Variants in UNC13C observed in about 807,000 individuals in gnomAD.
UNC13C encodes the protein protein unc-13 homolog C.
A neutral mutation model predicts 245.4 loss-of-function variants in UNC13C; 174 were observed. The ratio of observed to expected loss-of-function variants is 0.71; its 90% CI spans 0.63 to 0.80. UNC13C has a LOEUF of 0.80. Among genes scored for constraint, UNC13C ranks in the 30% least tolerant of loss-of-function variants. The pLI is 0.00. For synonymous variants in UNC13C, 992 were observed against 895.1 expected, an observed-to-expected ratio of 1.11 and a Z score of -1.93; for missense variants, 2,829 against 2,602.9, an observed-to-expected ratio of 1.09 and a Z score of -1.89.
At chr15:54,250,028 T>C (rs909686165) in intron 7 of UNC13C, among the ~76,000 whole-genome samples, 197 bp from the exon 8 acceptor site, 1 of 152,160 alleles carries the variant, frequency 6.6e-6, no homozygotes, top group Non-Finnish European at 1.5e-5. Context: ...GATAACTGAA[T>C]AGGGCCCTAA....
chr15:54,191,899 TA>T (rs1333550223), intron 4 of UNC13C, among the ~76,000 whole-genome samples: 1 of 152,176 alleles, frequency 6.6e-6, no homozygotes, highest in Non-Finnish European at 1.5e-5. Flanking sequence ...TTGTTGGGGT[TA>T]TTTTTTTCTT....
chr15:54,588,586 T>G (rs1433444900), intron 30 of UNC13C, among the ~76,000 whole-genome samples: 1 of 152,158 alleles, frequency 6.6e-6, no homozygotes, highest in South Asian at 2.1e-4. Context: ...GAGTGTATAC[T>G]CACCCAAGGA....
At chr15:54,502,493 C>G (rs75069935) in intron 22 of UNC13C, among the ~76,000 whole-genome samples, 6 of 152,078 alleles carry the variant, frequency 3.9e-5, no homozygotes, top group African/African-American at 1.4e-4. Context: ...TTAGAGATGA[C>G]TTTCTGAGTC....
At chr15:53,985,794 G>T (rs1894114286) in intron 1 of UNC13C, among the ~76,000 whole-genome samples, 1 of 151,924 alleles carries the variant, frequency 6.6e-6, no homozygotes, top group African/African-American at 2.4e-5. Flanking sequence ...TTGATCAGGG[G>T]GTTCTGAGAC....
At chr15:53,931,969 C>T in the UNC13C span, among the ~76,000 whole-genome samples, 2 of 152,104 alleles carry the variant, frequency 1.3e-5, no homozygotes, top group Non-Finnish European at 2.9e-5. Context: ...CCAAAATACA[C>T]CCCTCATGTC....
chr15:54,507,041 C>T lies in UNC13C; in HGVS notation c.5302-76C>T, dbSNP rs954188653. The T allele has an allele frequency of 4.9e-5, 45 of 927,620 alleles. No homozygotes were observed. The East Asian group carries it at 6.7e-4, about 14-fold the overall frequency. The allele number at this position is 927,620 out of a possible 1,614,324, so 57.5% of individuals were successfully genotyped here. A position where few individuals can be genotyped will look rare whatever the true frequency, so the allele number is the denominator to read the frequency against. Reference sequence around the variant, plus strand: ...GATGAAAAAGACAGCAAGAAGTTAACTTAGGATTAAACTTTATAGCATATT... The same window carrying T: ...GATGAAAAAGACAGCAAGAAGTTAATTTAGGATTAAACTTTATAGCATATT... On this transcript the variant is annotated intron_variant, in intron 22 of 32. Transcript: ENST00000260323.
chr15:54,567,524 A>C (rs912204575), intron 29 of UNC13C, among the ~76,000 whole-genome samples: 1 of 152,206 alleles, frequency 6.6e-6, no homozygotes, highest in Non-Finnish European at 1.5e-5. Context: ...TGACTGCTAC[A>C]TCAGCATGAT....
intron 19 of UNC13C, among the ~76,000 whole-genome samples, chr15:54,426,940 A>T (rs2040771795): frequency 6.6e-6 from 1 of 151,804 alleles, no homozygotes. Flanking sequence ...ATCAGTCTTC[A>T]CTTGAATGAA....
chr15:54,446,094 G>C (rs1890797136), intron 19 of UNC13C, among the ~76,000 whole-genome samples: 1 of 152,190 alleles, frequency 6.6e-6, no homozygotes, highest in Non-Finnish European at 1.5e-5. Flanking sequence ...TCAGAGATCA[G>C]ATAGTTGTAG....
At chr15:54,176,266 G>T (rs1347917597) in intron 4 of UNC13C, among the ~76,000 whole-genome samples, 9 of 152,036 alleles carry the variant, frequency 5.9e-5, no homozygotes, top group Non-Finnish European at 1.5e-5. Flanking sequence ...CTTTTTAGTA[G>T]CATCTCTAAA....
At chr15:53,903,572 C>T in the UNC13C span, among the ~76,000 whole-genome samples, 1 of 152,158 alleles carries the variant, frequency 6.6e-6, no homozygotes. Flanking sequence ...CTACCATTGC[C>T]CTCAGCCAAA....
At chr15:54,624,080 A>G (rs1596703882) in intron 32 of UNC13C, 126 bp downstream of exon 32, 12 of 1,167,876 alleles carry the variant, frequency 1.0e-5, no homozygotes, top group East Asian at 9.4e-5. Flanking sequence ...GTTCCCTTCC[A>G]TTCATTCAAT....
chr15:54,404,303 G>A lies in UNC13C; in HGVS notation c.4848-10679G>A, dbSNP rs973933630. Among the ~76,000 whole-genome samples, 12 of 152,192 alleles carry A rather than the reference G, an allele frequency of 7.9e-5. 1 individual carries two copies. The highest frequency in any genetic ancestry group is 7.8e-4 in the Admixed American group (12 of 15,290). ...TCTAATTTTATCCATTGTGACTGAT[G>A]AATCAGTATTATCAAATTTGGCAGT... On this transcript the variant is annotated intron_variant, in intron 18 of 32. Transcript: ENST00000260323.
intron 19 of UNC13C, among the ~76,000 whole-genome samples, chr15:54,435,878 A>T (rs1324366220): frequency 6.6e-6 from 1 of 151,902 alleles, no homozygotes; most frequent in Non-Finnish European, 1.5e-5. Context: ...AAATAAATGT[A>T]CAAGAAAAAA....
At chr15:54,098,733 C>T (rs1900012394) in intron 2 of UNC13C, among the ~76,000 whole-genome samples, 1 of 152,158 alleles carries the variant, frequency 6.6e-6, no homozygotes, top group South Asian at 2.1e-4. Context: ...CATAGGTACA[C>T]TTTAAAACAT....
intron 19 of UNC13C, among the ~76,000 whole-genome samples, chr15:54,492,274 C>T (rs1209215192): frequency 6.6e-6 from 1 of 151,920 alleles, no homozygotes. Context: ...ATATAGTTTT[C>T]AGAAGGTTTT....
At chr15:54,256,669 G>T (rs539110101) in intron 8 of UNC13C, among the ~76,000 whole-genome samples, 1 of 152,036 alleles carries the variant, frequency 6.6e-6, no homozygotes. Flanking sequence ...ATAAAACAAT[G>T]ACAACGACAA....
chr15:54,389,255 A>G (rs532860486), intron 17 of UNC13C, among the ~76,000 whole-genome samples: 1 of 152,354 alleles, frequency 6.6e-6, no homozygotes, highest in Admixed American at 6.5e-5. Flanking sequence ...TAAGAAACTA[A>G]TGCTTTAGTA....
intron 25 of UNC13C, among the ~76,000 whole-genome samples, chr15:54,529,862 C>T (rs1248452624): frequency 6.6e-6 from 1 of 151,914 alleles, no homozygotes; most frequent in Non-Finnish European, 1.5e-5. Flanking sequence ...TTCTTGCCTG[C>T]CCACACATTT....
Sources: gnomAD v4.1 joint callset for allele counts (sites outside exome capture counted in the v4.1 genomes callset) on GRCh38, gnomAD v4.1.1 for gene constraint, MANE v1.5 for transcripts, NCBI Gene and HGNC (gene_info 2026-07-23, HGNC 2026-07-21) for gene names.